Variants in MRC1 observed in about 807,000 individuals in gnomAD.
MRC1 encodes macrophage mannose receptor 1.
A neutral mutation model predicts 102.9 loss-of-function variants in MRC1; 62 were observed. That is an observed-to-expected ratio of 0.60 (90% CI 0.49 to 0.74). The LOEUF (loss-of-function observed/expected upper bound fraction) is 0.74. Ranked by LOEUF, MRC1 falls within the 30% of genes least tolerant of loss-of-function variation. The probability of loss-of-function intolerance (pLI) is 0.00; values close to 1 mark genes in which losing one functional copy is unlikely to be tolerated. For missense variants in MRC1, 1,237 were observed against 862.8 expected (o/e 1.43, Z -5.43); for synonymous variants, 457 against 298.4 (o/e 1.53, Z -5.48).
At position 17,817,247 on chromosome 10, in the gene MRC1, CAAAAAAAA is replaced by C. The variant is rs78486486; in HGVS notation, c.62-5814_62-5807del. 2.6e-4 allele frequency among the ~76,000 whole-genome samples: 23 copies of C among 89,250 alleles called. 1 individual carries two copies. In the East Asian group the frequency reaches 7.7e-3, roughly 30 times the overall value. 58.6% of individuals were successfully genotyped at this position (89,250 alleles called of 152,430 possible). A position where few individuals can be genotyped will look rare whatever the true frequency, so the allele number is the denominator to read the frequency against. On this transcript the variant is annotated intron_variant, in intron 1 of 29. Transcript: ENST00000569591. ...CCTGGGCGACAGAGTGACTCTGTCT[CAAAAAAAA>C]AAAAAAAAAAAAGAAAGAAAATCCA...
intron 3 of MRC1, among the ~76,000 whole-genome samples, chr10:17,830,816 T>C (rs1330757288): frequency 7.9e-5 from 12 of 151,348 alleles, no homozygotes; most frequent in Non-Finnish European, 1.6e-4. Context: ...ACGTCATTTA[T>C]GTCACTTGCC....
chr10:17,825,881 T>C (rs1384729156), intron 2 of MRC1, among the ~76,000 whole-genome samples: 1 of 152,232 alleles, frequency 6.6e-6, no homozygotes, highest in Non-Finnish European at 1.5e-5. Flanking sequence ...TCCCAGTGAC[T>C]AAGAATGGCG....
In MRC1 at chr10:17,885,452, G is replaced by T. The variant is rs1833579299; in HGVS notation, c.3147+17G>T. The T allele has an allele frequency of 2.6e-6, 2 of 780,466 alleles. No individual in the cohort carries two copies. Among genetic ancestry groups the T allele is most frequent in the Admixed American group, 1.7e-5 (1 of 59,018 alleles). 48.3% of individuals were successfully genotyped at this position (780,466 alleles called of 1,614,324 possible). A position where few individuals can be genotyped will look rare whatever the true frequency, so the allele number is the denominator to read the frequency against. On this transcript the variant is annotated intron_variant, in intron 22 of 29. Transcript: ENST00000569591. Reference sequence around the variant, plus strand: ...TATGAAGATGTAAATATCAGATTCAGGTCACCTCTCTACACACCATCAGCT... The same window carrying T: ...TATGAAGATGTAAATATCAGATTCATGTCACCTCTCTACACACCATCAGCT...
intron 28 of MRC1, 64 bp from the exon 29 acceptor site, chr10:17,909,242 T>A (rs1468786920): frequency 1.4e-5 from 11 of 784,772 alleles, no homozygotes; most frequent in Admixed American, 1.7e-5. Flanking sequence ...GTGAGCCAAA[T>A]AATATTTGCT....
intron 5 of MRC1, among the ~76,000 whole-genome samples, chr10:17,843,297 T>G (rs1838777560): frequency 6.6e-6 from 1 of 152,238 alleles, no homozygotes; most frequent in African/African-American, 2.4e-5. Context: ...TTATTTTAGT[T>G]ACAGTATCAG....
chr10:17,891,686 C>T (rs1056382442), intron 22 of MRC1, among the ~76,000 whole-genome samples: 1 of 152,186 alleles, frequency 6.6e-6, no homozygotes, highest in East Asian at 1.9e-4. Context: ...TTCATGTTTA[C>T]TTAGCTACGA....
rs1175112887 is a variant in MRC1 at position 17,897,024 on chromosome 10, C to T, written c.3251-1010C>T. ...TGCTGTGGTCACAGATGATCATAGG[C>T]AATACACAAACAAATGAATGTGGCT... On this transcript the variant is annotated intron_variant, in intron 23 of 29. Coordinates refer to ENST00000569591, the MANE Select transcript of MRC1 (RefSeq NM_002438.4). Among the ~76,000 whole-genome samples, 3 of 152,256 alleles carry T rather than the reference C, an allele frequency of 2.0e-5. No homozygotes were observed. The South Asian group carries it at 6.2e-4, about 32-fold the overall frequency.
chr10:17,846,729 A>T (rs1351583539), intron 6 of MRC1, among the ~76,000 whole-genome samples: 5 of 152,324 alleles, frequency 3.3e-5, no homozygotes, highest in Middle Eastern at 3.4e-3. Flanking sequence ...ACAATTTTGG[A>T]CATCATTCCA....
At chr10:17,820,580 T>C (rs1182924195) in intron 1 of MRC1, among the ~76,000 whole-genome samples, 1 of 152,136 alleles carries the variant, frequency 6.6e-6, no homozygotes, top group African/African-American at 2.4e-5. Flanking sequence ...TGTTTGACAA[T>C]ACAGTGAAAA....
intron 21 of MRC1, among the ~76,000 whole-genome samples, chr10:17,883,929 A>G (rs1046715707): frequency 1.3e-5 from 2 of 152,158 alleles, no homozygotes; most frequent in Non-Finnish European, 2.9e-5. Flanking sequence ...GCAAGAAGCC[A>G]TATTCTATAG....
rs1738129007 is a variant in MRC1 at position 17,852,943 on chromosome 10, C to T, written c.1250-24C>T. On this transcript the variant is annotated intron_variant, in intron 7 of 29. Coordinates refer to ENST00000569591, the MANE Select transcript of MRC1 (RefSeq NM_002438.4). ...TTTGGAAAGCAACCCTTGTATATACCACTGTGTGTTTCTTCCTGTTTAGAG... is the reference window on the plus strand; with the variant it reads ...TTTGGAAAGCAACCCTTGTATATACTACTGTGTGTTTCTTCCTGTTTAGAG... 16 of 780,626 alleles carry T rather than the reference C, an allele frequency of 2.0e-5. No homozygotes were observed. The South Asian group carries it at 2.1e-4, about 10-fold the overall frequency. The allele number at this position is 780,626 out of a possible 1,614,324, so 48.4% of individuals were successfully genotyped here. A position where few individuals can be genotyped will look rare whatever the true frequency, so the allele number is the denominator to read the frequency against.
At chr10:17,830,173 C>A (rs1387087443) in intron 3 of MRC1, among the ~76,000 whole-genome samples, 1 of 151,210 alleles carries the variant, frequency 6.6e-6, no homozygotes, top group Non-Finnish European at 1.5e-5. Context: ...ACTCTGTCAT[C>A]CAGACTGGAG....
chr10:17,822,478 G>C (rs1297921491), intron 1 of MRC1, among the ~76,000 whole-genome samples: 1 of 152,094 alleles, frequency 6.6e-6, no homozygotes, highest in African/African-American at 2.4e-5. Flanking sequence ...AAAATGAGTT[G>C]GTTATGGTGG....
In MRC1 at chr10:17,897,890, GCT is replaced by G. The variant is rs1833777517; in HGVS notation, c.3251-143_3251-142del. The G allele has an allele frequency of 8.3e-6, 6 of 726,260 alleles. No homozygotes were observed. The East Asian group carries it at 1.5e-4, about 18-fold the overall frequency. The allele number at this position is 726,260 out of a possible 1,614,324, so 45.0% of individuals were successfully genotyped here. ...AATGTTTGTTTTCTAGTGTGAAATG[GCT>G]TATAAAATATTTCTAACAGCTGAAT... On this transcript the variant is annotated intron_variant, in intron 23 of 29. Coordinates refer to ENST00000569591, the MANE Select transcript of MRC1 (RefSeq NM_002438.4).
chr10:17,825,134 G>T (rs1313994840), intron 2 of MRC1, among the ~76,000 whole-genome samples: 1 of 152,146 alleles, frequency 6.6e-6, no homozygotes, highest in Admixed American at 6.5e-5. Context: ...GCTCTGCAGA[G>T]TGACCACGAG....
chr10:17,870,610 G>A (rs913297800), intron 13 of MRC1, among the ~76,000 whole-genome samples: 1 of 152,094 alleles, frequency 6.6e-6, no homozygotes, highest in Non-Finnish European at 1.5e-5. Flanking sequence ...ATACGTATTT[G>A]TCTTTCAATA....
intron 9 of MRC1, among the ~76,000 whole-genome samples, chr10:17,859,644 G>C (rs1215814084): frequency 2.6e-5 from 4 of 152,088 alleles, no homozygotes; most frequent in African/African-American, 9.7e-5. Flanking sequence ...TTGTGATTTA[G>C]TGACCTCTCC....
In MRC1 at chr10:17,833,943, C is replaced by A. The variant is rs1026735696; in HGVS notation, c.802+104C>A. 6 of 695,206 alleles carry A rather than the reference C, an allele frequency of 8.6e-6. No homozygotes were observed. The East Asian group carries it at 1.0e-4, about 12-fold the overall frequency. The allele number at this position is 695,206 out of a possible 1,614,324, so 43.1% of individuals were successfully genotyped here. On this transcript the variant is annotated intron_variant, in intron 4 of 29. Coordinates refer to ENST00000569591, the MANE Select transcript of MRC1 (RefSeq NM_002438.4). ...GTGTTTATAGATGTTATGACAGAAG[C>A]AATTCTTAAGCAGTTTATGTGGATG...
rs1838879577 is a variant in MRC1 at position 17,849,522 on chromosome 10, TTA to T, written c.1064-54_1064-53del. On this transcript the variant is annotated intron_variant, in intron 6 of 29. Transcript: ENST00000569591. ...ATTATATAAAATGATTAAAATATTGTTATAGTTTTAATCAAATCTTTTAAAAT... is the reference window on the plus strand; with the variant it reads ...ATTATATAAAATGATTAAAATATTGTTAGTTTTAATCAAATCTTTTAAAAT... The T allele has an allele frequency of 6.5e-6, 5 of 764,092 alleles. No individual in the cohort carries two copies. In the South Asian group the frequency reaches 7.0e-5, roughly 11 times the overall value. The allele number at this position is 764,092 out of a possible 1,614,324, so 47.3% of individuals were successfully genotyped here.
Sources: gnomAD v4.1 joint callset for allele counts (sites outside exome capture counted in the v4.1 genomes callset) on GRCh38, gnomAD v4.1.1 for gene constraint, MANE v1.5 for transcripts, NCBI Gene and HGNC (gene_info 2026-07-23, HGNC 2026-07-21) for gene names.